Variants in NEMP2 observed in about 807,000 individuals in gnomAD.
NEMP2 encodes the protein nuclear envelope integral membrane protein 2.
NEMP2 carries 53 observed loss-of-function variants against 54.2 expected under a neutral mutation model. That is an observed-to-expected ratio of 0.98 (90% confidence interval 0.78 to 1.23). The LOEUF (loss-of-function observed/expected upper bound fraction) is 1.23, where lower values mean the gene tolerates loss of function less well. Ranked by LOEUF, NEMP2 falls within the 50% of genes most tolerant of loss-of-function variation. NEMP2 has a pLI of 0.00. For synonymous variants in NEMP2, 197 were observed against 190.3 expected, an observed-to-expected ratio of 1.04 and a Z score of -0.29; for missense variants, 455 against 511.3, an observed-to-expected ratio of 0.89 and a Z score of 1.06.
the NEMP2 span, chr2:190,497,373 T>C: frequency 6.5e-7 from 1 of 1,541,514 alleles, no homozygotes. The surrounding 1 kb of genome is among the most constrained non-coding windows in gnomAD (Gnocchi z 5.2). Context: ...TATTTATTTA[T>C]TTTTACCTTT....
chr2:190,476,597 CT>C, the NEMP2 span, among the ~76,000 whole-genome samples: 1 of 152,172 alleles, frequency 6.6e-6, no homozygotes, highest in Non-Finnish European at 1.5e-5. Context: ...CACTTTTACA[CT>C]GTTGGTGGGA....
At chr2:190,491,446 A>G in the NEMP2 span, among the ~76,000 whole-genome samples, 1 of 152,198 alleles carries the variant, frequency 6.6e-6, no homozygotes, top group Admixed American at 6.5e-5. This position sits in a 1 kb window ranked among gnomAD's most constrained non-coding sequence, Gnocchi z 4.2. Flanking sequence ...TTGGGCTGGT[A>G]TCCAGCTGAG....
the NEMP2 span, among the ~76,000 whole-genome samples, chr2:190,484,899 T>C: frequency 6.6e-6 from 1 of 152,180 alleles, no homozygotes; most frequent in Non-Finnish European, 1.5e-5. Context: ...TTCATTCTTC[T>C]GCTTTTAGTA....
the NEMP2 span, among the ~76,000 whole-genome samples, chr2:190,546,769 A>G: frequency 1.3e-5 from 2 of 152,180 alleles, no homozygotes; most frequent in African/African-American, 4.8e-5. This position sits in a 1 kb window ranked among gnomAD's most constrained non-coding sequence, Gnocchi z 5.1. Flanking sequence ...TAGCTAGGAT[A>G]TTTCCAACTA....
At chr2:190,441,835 C>G in the NEMP2 span, among the ~76,000 whole-genome samples, 1 of 152,076 alleles carries the variant, frequency 6.6e-6, no homozygotes, top group African/African-American at 2.4e-5. Flanking sequence ...TTCTTCTGCC[C>G]AAGGCCGTGG....
the NEMP2 span, among the ~76,000 whole-genome samples, chr2:190,635,878 G>GTTTTTTTTTTTTTTTTTTT: frequency 6.6e-6 from 1 of 152,068 alleles, no homozygotes; most frequent in Non-Finnish European, 1.5e-5. This position sits in a 1 kb window ranked among gnomAD's most constrained non-coding sequence, Gnocchi z 4.1. Context: ...TATGTTGTTT[G>GTTTTTTTTTTTTTTTTTTT]TTTTTTGAGA....
rs1023951822 is a variant in NEMP2, at chr2:190,527,729, G to A, written c.98-2351C>T. Among the ~76,000 whole-genome samples, 2 of 152,110 alleles carry A rather than the reference G, an allele frequency of 1.3e-5. No individual in the cohort carries two copies. Among genetic ancestry groups the A allele is most frequent in the African/African-American group, 4.8e-5 (2 of 41,422 alleles). ...GGGCTGCAGGAGGTGAGCGGTGCGC[G>A]AGGCGAGTGATCATTACCACCTGAG... On this transcript the variant is annotated intron_variant, in intron 1 of 8. Transcript: ENST00000409150. This position sits in a 1 kb window ranked among gnomAD's most constrained non-coding sequence, Gnocchi z 4.0.
chr2:190,473,229 C>T, the NEMP2 span, among the ~76,000 whole-genome samples: 10 of 152,286 alleles, frequency 6.6e-5, no homozygotes, highest in Admixed American at 3.9e-4. Flanking sequence ...CAAATTCACA[C>T]ATAACAATAT....
chr2:190,435,071 C>G, the NEMP2 span, among the ~76,000 whole-genome samples: 2 of 152,212 alleles, frequency 1.3e-5, no homozygotes, highest in Admixed American at 6.5e-5. Flanking sequence ...ACCAACCCCC[C>G]TCTCCATCTG....
the NEMP2 span, among the ~76,000 whole-genome samples, chr2:190,561,276 C>T: frequency 6.6e-6 from 1 of 152,172 alleles, no homozygotes; most frequent in Non-Finnish European, 1.5e-5. The surrounding 1 kb of genome is among the most constrained non-coding windows in gnomAD (Gnocchi z 5.4). Flanking sequence ...TGGACCTTAA[C>T]CCTGTCTCAG....
the NEMP2 span, among the ~76,000 whole-genome samples, chr2:190,592,151 G>A: frequency 6.6e-6 from 1 of 152,270 alleles, no homozygotes; most frequent in African/African-American, 2.4e-5. The surrounding 1 kb of genome is among the most constrained non-coding windows in gnomAD (Gnocchi z 4.4). Flanking sequence ...AAGCTTTGGA[G>A]ACACATAGCT....
chr2:190,499,906 A>G, downstream of NEMP2: 2 of 1,574,308 alleles, frequency 1.3e-6, no homozygotes, highest in Non-Finnish European at 1.7e-6. This position sits in a 1 kb window ranked among gnomAD's most constrained non-coding sequence, Gnocchi z 6.0. Flanking sequence ...TGAAATGGGC[A>G]CTTCCGGATG....
Position 190,517,619 on chromosome 2 carries a change from A to C in NEMP2, c.519-6T>G. The C allele has an allele frequency of 6.5e-7, 1 of 1,543,974 alleles. No homozygotes were observed. The highest frequency in any genetic ancestry group is 8.8e-7 in the Non-Finnish European group (1 of 1,141,932). On this transcript the variant is annotated splice_polypyrimidine_tract_variant and splice_region_variant and intron_variant, in intron 4 of 8. Transcript: ENST00000409150. ...AGTAATAGAAAGTAGGGCTTCTGTC[A>C]AGATAAGCAGATAAAAGCTATTTAA...
the NEMP2 span, among the ~76,000 whole-genome samples, chr2:190,550,563 A>C: frequency 6.6e-6 from 1 of 152,258 alleles, no homozygotes; most frequent in South Asian, 2.1e-4. The surrounding 1 kb of genome is among the most constrained non-coding windows in gnomAD (Gnocchi z 4.7). Context: ...CAACAGGATC[A>C]GAATAATAAT....
At chr2:190,424,832 C>CTATATGATCTTTTTCAAA in the NEMP2 span, among the ~76,000 whole-genome samples, 1 of 152,146 alleles carries the variant, frequency 6.6e-6, no homozygotes, top group Admixed American at 6.5e-5. This position sits in a 1 kb window ranked among gnomAD's most constrained non-coding sequence, Gnocchi z 5.9. Flanking sequence ...GGTCTTAATG[C>CTATATGATCTTTTTCAAA]ACAGCTATAT....
At chr2:190,490,039 C>G in the NEMP2 span, among the ~76,000 whole-genome samples, 1 of 152,054 alleles carries the variant, frequency 6.6e-6, no homozygotes, top group Non-Finnish European at 1.5e-5. This position sits in a 1 kb window ranked among gnomAD's most constrained non-coding sequence, Gnocchi z 4.5. Context: ...GATCCACCTA[C>G]TATGCAGAAA....
At chr2:190,458,442 T>C in the NEMP2 span, among the ~76,000 whole-genome samples, 1 of 147,088 alleles carries the variant, frequency 6.8e-6, no homozygotes, top group African/African-American at 2.5e-5. This position sits in a 1 kb window ranked among gnomAD's most constrained non-coding sequence, Gnocchi z 5.3. Flanking sequence ...GAAACCAACA[T>C]TGCCAACACC....
chr2:190,522,922 A>G lies in NEMP2; in HGVS notation c.213+2341T>C, dbSNP rs1383144767. On this transcript the variant is annotated intron_variant, in intron 2 of 8. Coordinates refer to ENST00000409150, the MANE Select transcript of NEMP2 (RefSeq NM_001142645.2). The surrounding 1 kb of genome is among the most constrained non-coding windows in gnomAD (Gnocchi z 5.0). ...CCTAACTAATGTATACCTTAAATGT[A>G]TTTGATTAATGTCTCATGTCTCCCT... Among the ~76,000 whole-genome samples the G allele has an allele frequency of 6.6e-6, 1 of 152,150 alleles. No individual in the cohort carries two copies. The highest frequency in any genetic ancestry group is 6.5e-5 in the Admixed American group (1 of 15,274).
rs1355639263 is a variant in NEMP2 at position 190,506,094 on chromosome 2, AC to A, written c.*3094del. Reference sequence around the variant, plus strand: ...CTAGTTATATTTTTGGTTGTGAATCACTACCTGTACCAACTATATGAATTGA... The same window carrying A: ...CTAGTTATATTTTTGGTTGTGAATCATACCTGTACCAACTATATGAATTGA... On this transcript the variant is annotated 3_prime_UTR_variant, in exon 9 of 9. Coordinates refer to ENST00000409150, the MANE Select transcript of NEMP2 (RefSeq NM_001142645.2). The surrounding 1 kb of genome is among the most constrained non-coding windows in gnomAD (Gnocchi z 6.3). 6.6e-6 allele frequency: 1 copy of A among 152,210 alleles called. No homozygotes were observed. Among genetic ancestry groups the A allele is most frequent in the Non-Finnish European group, 1.5e-5 (1 of 68,046 alleles). 9.4% of individuals were successfully genotyped at this position (152,210 alleles called of 1,614,324 possible). A position where few individuals can be genotyped will look rare whatever the true frequency, so the allele number is the denominator to read the frequency against.
Sources: allele counts gnomAD v4.1 joint callset (sites outside exome capture counted in the v4.1 genomes callset), GRCh38; gene constraint gnomAD v4.1.1; non-coding constraint Gnocchi (gnomAD v3.1); transcripts MANE v1.5; gene names NCBI Gene and HGNC (gene_info 2026-07-23, HGNC 2026-07-21).